The following SEMA3B variants were observed in gnomAD, a reference collection of about 807,000 sequenced individuals.
SEMA3B encodes the protein semaphorin 3B.
SEMA3B carries 71 observed loss-of-function variants against 77.8 expected under a neutral mutation model. The observed-to-expected ratio is 0.91, with a 90% CI of 0.75 to 1.11. SEMA3B has a LOEUF of 1.11. Among genes scored for constraint, SEMA3B ranks in the 50% most tolerant of loss-of-function variants. SEMA3B has a pLI of 0.00. For missense variants in SEMA3B, 968 were observed against 1,056.8 expected (o/e 0.92, Z 1.17); for synonymous variants, 470 against 452.9 (o/e 1.04, Z -0.48).
At position 50,270,998 on chromosome 3, in the gene SEMA3B, C is replaced by A; in HGVS notation, c.439C>A (p.His147Asn). 6.2e-7 allele frequency: 1 copy of A among 1,604,846 alleles called. No individual in the cohort carries two copies. Among genetic ancestry groups the A allele is most frequent in the East Asian group, 2.2e-5 (1 of 44,556 alleles). ...HPTCAFVEVG[H>N]RAEEPVLRLD... is the part of the protein sequence containing the mutation. ...AACCTGTGCCTTTGTGGAAGTGGGC[C>A]ACCGGGCAGAGGTAAGGCCGGATCT... is the stretch of plus-strand genomic sequence containing the variant. The change falls in exon 4 of 17, where the codon CAC (histidine) becomes AAC (asparagine). Residue 147 changes from histidine to asparagine, a missense_variant. Coordinates refer to ENST00000616701, the MANE Select transcript of SEMA3B (RefSeq NM_001290060.2). This position sits in a 1 kb window ranked among gnomAD's most constrained non-coding sequence, Gnocchi z 4.7.
At chr3:50,267,207 C>G (rs1031654273), upstream of SEMA3B, 1 of 152,340 alleles carries the variant, frequency 6.6e-6, no homozygotes, top group Non-Finnish European at 1.5e-5. The surrounding 1 kb of genome is among the most constrained non-coding windows in gnomAD (Gnocchi z 5.7). Flanking sequence ...TCCAGCTGCC[C>G]GGCCACCCCA....
upstream of SEMA3B, among the ~76,000 whole-genome samples, chr3:50,264,209 CA>C (rs1167517681): frequency 1.3e-3 from 187 of 149,484 alleles, no homozygotes; most frequent in Admixed American, 3.2e-3. Context: ...GATCCTGTCT[CA>C]AAAAAAAGAA....
Position 50,270,318 on chromosome 3 carries a change from GGAA to G in SEMA3B, c.267+36_267+38del. On this transcript the variant is annotated intron_variant, in intron 2 of 16. Coordinates refer to ENST00000616701, the MANE Select transcript of SEMA3B (RefSeq NM_001290060.2). The surrounding 1 kb of genome is among the most constrained non-coding windows in gnomAD (Gnocchi z 4.7). ...GACTCCCAACCCCAGCACTCCCCAG[GGAA>G]GGAGCCCTGGGACCCCACTCCAGCC... The G allele has an allele frequency of 1.2e-6, 2 of 1,610,466 alleles. No individual in the cohort carries two copies. Among genetic ancestry groups the G allele is most frequent in the Non-Finnish European group, 1.7e-6 (2 of 1,177,376 alleles).
Position 50,270,828 on chromosome 3 carries a change from G to T in SEMA3B, c.331-62G>T, listed in dbSNP as rs1701026894. 1 of 1,548,946 alleles carries T rather than the reference G, an allele frequency of 6.5e-7. No individual in the cohort carries two copies. The highest frequency in any genetic ancestry group is 1.4e-5 in the African/African-American group (1 of 73,124). ...AGAGGGAGGGGTGAGGATGCCACTG[G>T]TGAGCTGGGACCTCTTAAGGCTACG... On this transcript the variant is annotated intron_variant, in intron 3 of 16. Coordinates refer to ENST00000616701, the MANE Select transcript of SEMA3B (RefSeq NM_001290060.2). This position sits in a 1 kb window ranked among gnomAD's most constrained non-coding sequence, Gnocchi z 4.7.
At position 50,275,324 on chromosome 3, in the gene SEMA3B, G is replaced by A. The variant is rs782593824; in HGVS notation, c.1514G>A (p.Arg505Gln). 7 of 1,576,832 alleles carry A rather than the reference G, an allele frequency of 4.4e-6. No homozygotes were observed. The highest frequency in any genetic ancestry group is 5.2e-6 in the Non-Finnish European group (6 of 1,162,766). Residue 505 changes from arginine (R) to glutamine (Q), a missense_variant, in exon 14 of 17, where the codon CGG becomes CAG. Physicochemically the swap from Arg to Gln is conservative, Grantham distance 43 (BLOSUM62 1). Coordinates refer to ENST00000616701, the MANE Select transcript of SEMA3B (RefSeq NM_001290060.2). This position sits in a 1 kb window ranked among gnomAD's most constrained non-coding sequence, Gnocchi z 7.5. ...SKRHQLYVAS[R>Q]SAVAQIALHR... ...TAGCACCAGCTGTACGTAGCCTCGC[G>A]GAGCGCGGTGGCCCAGATCGCGTTG...
Position 50,275,533 on chromosome 3 carries a change from T to A in SEMA3B, c.1650-27T>A. The A allele has an allele frequency of 6.2e-7, 1 of 1,613,606 alleles. No homozygotes were observed. Among genetic ancestry groups the A allele is most frequent in the East Asian group, 2.2e-5 (1 of 44,866 alleles). ...CACTGCCCGGGGCTGAAAGAAGGGC[T>A]CACAGAAGATCGGATGTTCCCCACA... On this transcript the variant is annotated intron_variant, in intron 14 of 16. Coordinates refer to ENST00000616701, the MANE Select transcript of SEMA3B (RefSeq NM_001290060.2). The surrounding 1 kb of genome is among the most constrained non-coding windows in gnomAD (Gnocchi z 7.5).
chr3:50,274,251 G>A lies in SEMA3B; in HGVS notation c.1138-112G>A. The A allele has an allele frequency of 8.1e-7, 1 of 1,231,834 alleles. No homozygotes were observed. Among genetic ancestry groups the A allele is most frequent in the Non-Finnish European group, 1.1e-6 (1 of 885,414 alleles). The allele number at this position is 1,231,834 out of a possible 1,614,324, so 76.3% of individuals were successfully genotyped here. ...GCTGATCTCCTCTCTAATTCTCAGG[G>A]CAGGGTTCTGTCCCCATCCCCCTCC... On this transcript the variant is annotated intron_variant, in intron 10 of 16. Transcript: ENST00000616701. This position sits in a 1 kb window ranked among gnomAD's most constrained non-coding sequence, Gnocchi z 4.7.
At chr3:50,268,279 C>T (rs932941860), upstream of SEMA3B, among the ~76,000 whole-genome samples, 3 of 152,214 alleles carry the variant, frequency 2.0e-5, no homozygotes, top group Non-Finnish European at 4.4e-5. Context: ...GCTGAGGCTT[C>T]TGCCCAGGTC....
rs1485034891 is a variant in SEMA3B at position 50,270,897 on chromosome 3, G to A, written c.338G>A (p.Cys113Tyr). Residue 113 changes from cysteine to tyrosine, a missense_variant, in exon 4 of 17, where the codon TGC becomes TAC. Coordinates refer to ENST00000616701, the MANE Select transcript of SEMA3B (RefSeq NM_001290060.2). This position sits in a 1 kb window ranked among gnomAD's most constrained non-coding sequence, Gnocchi z 4.7. ...CACCTCCAACCCTACTAGACTGAGT[G>A]CATGAACTTCGTGAAGTTGCTGCAT... ...NWAGKDIGTE[C>Y]MNFVKLLHAY... 2 of 1,604,668 alleles carry A rather than the reference G, an allele frequency of 1.2e-6. No homozygotes were observed. Among genetic ancestry groups the A allele is most frequent in the Non-Finnish European group, 1.7e-6 (2 of 1,175,618 alleles).
chr3:50,262,132 C>G, the SEMA3B span: 1 of 151,910 alleles, frequency 6.6e-6, no homozygotes, highest in African/African-American at 2.4e-5. Flanking sequence ...CCCGTCTCTA[C>G]TAAAATACAA....
upstream of SEMA3B, chr3:50,267,526 G>A (rs782737722): frequency 4.6e-5 from 7 of 152,588 alleles, no homozygotes; most frequent in South Asian, 8.3e-4. This position sits in a 1 kb window ranked among gnomAD's most constrained non-coding sequence, Gnocchi z 5.7. Context: ...AGCTGGTCCC[G>A]GCTGCCTGCC....
At chr3:50,262,562 A>G (rs1383254830), upstream of SEMA3B, 1 of 152,176 alleles carries the variant, frequency 6.6e-6, no homozygotes, top group Non-Finnish European at 1.5e-5. Context: ...GTGGCAGCAA[A>G]TATGTCCATG....
At chr3:50,268,346 T>C (rs1004799540), upstream of SEMA3B, among the ~76,000 whole-genome samples, 2 of 152,206 alleles carry the variant, frequency 1.3e-5, no homozygotes, top group East Asian at 3.8e-4. Flanking sequence ...GATGCTGCAG[T>C]TGGATTTGCT....
In SEMA3B at chr3:50,274,592, C is replaced by G; in HGVS notation, c.1357+10C>G. On this transcript the variant is annotated intron_variant, in intron 11 of 16. Coordinates refer to ENST00000616701, the MANE Select transcript of SEMA3B (RefSeq NM_001290060.2). This position sits in a 1 kb window ranked among gnomAD's most constrained non-coding sequence, Gnocchi z 4.7. ...CTCTTCATTGGCACAGGTCAGGGTC[C>G]CTCCACAGCGACCCCCAGGCTCCCA... The G allele has an allele frequency of 6.6e-7, 1 of 1,520,910 alleles. No individual in the cohort carries two copies. 94.2% of individuals were successfully genotyped at this position (1,520,910 alleles called of 1,614,324 possible).
rs1553705251 is a variant in SEMA3B, at chr3:50,271,027, C to T, written c.450+18C>T. 4 of 1,591,168 alleles carry T rather than the reference C, an allele frequency of 2.5e-6. No homozygotes were observed. The highest frequency in any genetic ancestry group is 3.4e-6 in the Non-Finnish European group (4 of 1,168,770). ...GGGCAGAGGTAAGGCCGGATCTAGG[C>T]AGGGAGGGAGGTCAGGAGGGTAAGA... On this transcript the variant is annotated intron_variant, in intron 4 of 16. Transcript: ENST00000616701.
rs2109245679 is a variant in SEMA3B, at chr3:50,274,174, G to T, written c.1137+117G>T. The T allele has an allele frequency of 6.7e-7, 1 of 1,489,654 alleles. No homozygotes were observed. The highest frequency in any genetic ancestry group is 2.3e-5 in the East Asian group (1 of 43,330). The allele number at this position is 1,489,654 out of a possible 1,614,324, so 92.3% of individuals were successfully genotyped here. ...TTCCTTTAGTTATGGGTGGGAAAAC[G>T]TTTCCATCATAAGACAAGGCTTGTT... On this transcript the variant is annotated intron_variant, in intron 10 of 16. Transcript: ENST00000616701. The surrounding 1 kb of genome is among the most constrained non-coding windows in gnomAD (Gnocchi z 4.7).
In SEMA3B at chr3:50,270,852, C is replaced by G. The variant is rs1324605667; in HGVS notation, c.331-38C>G. The G allele has an allele frequency of 6.4e-7, 1 of 1,563,258 alleles. No individual in the cohort carries two copies. Among genetic ancestry groups the G allele is most frequent in the African/African-American group, 1.4e-5 (1 of 73,596 alleles). ...GGTGAGCTGGGACCTCTTAAGGCTA[C>G]GTCCCTGGGGGAAGCCTCACACCTC... On this transcript the variant is annotated intron_variant, in intron 3 of 16. Coordinates refer to ENST00000616701, the MANE Select transcript of SEMA3B (RefSeq NM_001290060.2). The surrounding 1 kb of genome is among the most constrained non-coding windows in gnomAD (Gnocchi z 4.7).
Position 50,271,424 on chromosome 3 carries a change from G to C in SEMA3B, c.608G>C (p.Ser203Thr). The C allele has an allele frequency of 1.3e-6, 2 of 1,589,134 alleles. No homozygotes were observed. Among genetic ancestry groups the C allele is most frequent in the Non-Finnish European group, 1.7e-6 (2 of 1,167,818 alleles). The part of the protein sequence containing the change: ...LMGRDFTIFR[S>T]LGQRPSLRTE... ...GGACGAGACTTTACCATCTTTCGCAGCCTAGGGCAACGTCCAAGTCTCCGA... is the reference window on the plus strand; with the variant it reads ...GGACGAGACTTTACCATCTTTCGCACCCTAGGGCAACGTCCAAGTCTCCGA... Residue 203 changes from serine (S) to threonine (T), a missense_variant, in exon 6 of 17, where the codon AGC becomes ACC. Ser to Thr is a moderately conservative substitution (Grantham distance 58). Coordinates refer to ENST00000616701, the MANE Select transcript of SEMA3B (RefSeq NM_001290060.2).
In SEMA3B at chr3:50,274,064, A is replaced by G; in HGVS notation, c.1137+7A>G. 1 of 1,612,576 alleles carries G rather than the reference A, an allele frequency of 6.2e-7. No individual in the cohort carries two copies. Among genetic ancestry groups the G allele is most frequent in the Non-Finnish European group, 8.5e-7 (1 of 1,179,482 alleles). Reference sequence around the variant, plus strand: ...CTACCCGCGGCCAGGCATGGTTCGTAGCCCAGGGACTTCTGCTACAACCCA... The same window carrying G: ...CTACCCGCGGCCAGGCATGGTTCGTGGCCCAGGGACTTCTGCTACAACCCA... On this transcript the variant is annotated splice_region_variant and intron_variant, in intron 10 of 16. Coordinates refer to ENST00000616701, the MANE Select transcript of SEMA3B (RefSeq NM_001290060.2). This position sits in a 1 kb window ranked among gnomAD's most constrained non-coding sequence, Gnocchi z 4.7.
Sources: allele counts gnomAD v4.1 joint callset (sites outside exome capture counted in the v4.1 genomes callset), GRCh38; gene constraint gnomAD v4.1.1; non-coding constraint Gnocchi (gnomAD v3.1); transcripts MANE v1.5; gene names NCBI Gene and HGNC (gene_info 2026-07-23, HGNC 2026-07-21).